The following RAPGEF1 variants were observed in gnomAD, a reference collection of about 807,000 sequenced individuals.
RAPGEF1 encodes CRK SH3-binding GNRP.
In RAPGEF1, 33 loss-of-function variants were observed where a neutral mutation model predicts 143.3. That is an observed-to-expected ratio of 0.23 (90% confidence interval 0.17 to 0.31). The LOEUF (loss-of-function observed/expected upper bound fraction) is 0.31, where lower values mean the gene tolerates loss of function less well. RAPGEF1 is among the 10% of genes least tolerant of loss of function. RAPGEF1 has a pLI of 1.00. For synonymous variants in RAPGEF1, 629 were observed against 676.5 expected (o/e 0.93, Z 1.09); for missense variants, 1,199 against 1,645.4 (o/e 0.73, Z 4.69).
chr9:131,599,198 C>T (rs927343065), intron 15 of RAPGEF1, among the ~76,000 whole-genome samples: 1 of 150,468 alleles, frequency 6.6e-6, no homozygotes, highest in African/African-American at 2.4e-5. Flanking sequence ...GATCTTGGCT[C>T]ACTGCAGCCC....
At position 131,586,443 on chromosome 9, in the gene RAPGEF1, A is replaced by AAC. The variant is rs370557537; in HGVS notation, c.3233+1291_3233+1292dup. 8.2e-3 allele frequency among the ~76,000 whole-genome samples: 125 copies of AAC among 15,212 alleles called. 13 individuals carry two copies. The highest frequency in any genetic ancestry group is 0.037 in the African/African-American group (121 of 3,264). 10.0% of individuals were successfully genotyped at this position (15,212 alleles called of 152,430 possible). A position where few individuals can be genotyped will look rare whatever the true frequency, so the allele number is the denominator to read the frequency against. On this transcript the variant is annotated intron_variant, in intron 22 of 26. Coordinates refer to ENST00000683357, the MANE Select transcript of RAPGEF1 (RefSeq NM_001377935.1). Reference sequence around the variant, plus strand: ...ACCTGCAGAGCGAGACTCCGTCTCAAACACACACACACACACACACCTGCA... The same window carrying AAC: ...ACCTGCAGAGCGAGACTCCGTCTCAAACACACACACACACACACACACCTGCA...
chr9:131,623,063 C>G (rs1961705445), intron 10 of RAPGEF1, among the ~76,000 whole-genome samples: 1 of 152,150 alleles, frequency 6.6e-6, no homozygotes, highest in Non-Finnish European at 1.5e-5. Flanking sequence ...CCACCAAGCC[C>G]AGCCCCACAC....
At chr9:131,662,442 G>A (rs115449954) in intron 1 of RAPGEF1, among the ~76,000 whole-genome samples, 1 of 152,102 alleles carries the variant, frequency 6.6e-6, no homozygotes, top group Non-Finnish European at 1.5e-5. Context: ...GTATAGTGGT[G>A]TGATCCCAGT....
intron 1 of RAPGEF1, among the ~76,000 whole-genome samples, chr9:131,707,287 CTTTAT>C (rs1835143888): frequency 7.1e-6 from 1 of 141,472 alleles, no homozygotes; most frequent in Non-Finnish European, 1.5e-5. Flanking sequence ...AGAACTGGTT[CTTTAT>C]TTTAATGTGT....
chr9:131,732,610 A>T (rs2131344049), intron 1 of RAPGEF1, among the ~76,000 whole-genome samples: 1 of 152,336 alleles, frequency 6.6e-6, no homozygotes. Flanking sequence ...AGAGGACTAC[A>T]GGAAAACACA....
chr9:131,718,433 T>A (rs1344443800), intron 1 of RAPGEF1, among the ~76,000 whole-genome samples: 1 of 151,990 alleles, frequency 6.6e-6, no homozygotes, highest in Admixed American at 6.6e-5. Context: ...TGAATGGCTG[T>A]GAGTTGGGAG....
chr9:131,613,154 A>G (rs369947816), intron 12 of RAPGEF1, among the ~76,000 whole-genome samples: 17 of 152,208 alleles, frequency 1.1e-4, no homozygotes, highest in African/African-American at 4.1e-4. Context: ...CATCCTTGTA[A>G]CAACCTTGTG....
chr9:131,631,036 A>G (rs1964696526), intron 5 of RAPGEF1, among the ~76,000 whole-genome samples: 1 of 152,116 alleles, frequency 6.6e-6, no homozygotes, highest in Non-Finnish European at 1.5e-5. Context: ...AAAAACACAA[A>G]GAACATTTCT....
At chr9:131,649,661 T>C (rs1970587006) in intron 3 of RAPGEF1, among the ~76,000 whole-genome samples, 1 of 152,178 alleles carries the variant, frequency 6.6e-6, no homozygotes, top group South Asian at 2.1e-4. Flanking sequence ...CCATAAATGT[T>C]AGGGACACAG....
Position 131,625,904 on chromosome 9 carries a change from A to G in RAPGEF1, c.1702+18T>C. ...GTTATAAAATGCACTTCCTGACAACAGTGCAACAAAGGCTTACTGTGTTTG... is the reference window on the plus strand; with the variant it reads ...GTTATAAAATGCACTTCCTGACAACGGTGCAACAAAGGCTTACTGTGTTTG... On this transcript the variant is annotated intron_variant, in intron 10 of 26. Coordinates refer to ENST00000683357, the MANE Select transcript of RAPGEF1 (RefSeq NM_001377935.1). 6.5e-7 allele frequency: 1 copy of G among 1,532,164 alleles called. No homozygotes were observed. The highest frequency in any genetic ancestry group is 8.8e-7 in the Non-Finnish European group (1 of 1,135,974). 94.9% of individuals were successfully genotyped at this position (1,532,164 alleles called of 1,614,324 possible).
chr9:131,652,672 A>C (rs1057054100), intron 1 of RAPGEF1, among the ~76,000 whole-genome samples: 1 of 152,198 alleles, frequency 6.6e-6, no homozygotes, highest in South Asian at 2.1e-4. Flanking sequence ...GAGTAATAAA[A>C]TGCAAGAAGC....
At chr9:131,603,134 T>C (rs867989803) in intron 14 of RAPGEF1, among the ~76,000 whole-genome samples, 1 of 152,096 alleles carries the variant, frequency 6.6e-6, no homozygotes, top group South Asian at 2.1e-4. Context: ...TGGCTCTGGG[T>C]GGGCCTCTGA....
Position 131,628,227 on chromosome 9 carries a change from G to C in RAPGEF1, c.1018-131C>G. On this transcript the variant is annotated intron_variant, in intron 8 of 26. Transcript: ENST00000683357. The surrounding 1 kb of genome is among the most constrained non-coding windows in gnomAD (Gnocchi z 5.7). ...GGCGAACTCAGAAACCACCTCTGAC[G>C]TCAGTAGTCGAAGGACACATACAGC... 1 of 887,428 alleles carries C rather than the reference G, an allele frequency of 1.1e-6. No homozygotes were observed. Among genetic ancestry groups the C allele is most frequent in the Non-Finnish European group, 1.7e-6 (1 of 600,118 alleles). 55.0% of individuals were successfully genotyped at this position (887,428 alleles called of 1,614,324 possible). A position where few individuals can be genotyped will look rare whatever the true frequency, so the allele number is the denominator to read the frequency against.
At chr9:131,723,919 C>T (rs1313161710) in intron 1 of RAPGEF1, among the ~76,000 whole-genome samples, 1 of 152,228 alleles carries the variant, frequency 6.6e-6, no homozygotes. Context: ...GTTCAGATTC[C>T]CCCACATTCT....
intron 1 of RAPGEF1, among the ~76,000 whole-genome samples, chr9:131,651,492 G>C (rs1365456328): frequency 1.3e-5 from 2 of 152,196 alleles, no homozygotes; most frequent in Non-Finnish European, 2.9e-5. Flanking sequence ...TAGGACATCT[G>C]TTCTCACCAC....
At chr9:131,661,648 A>G (rs1403707657) in intron 1 of RAPGEF1, among the ~76,000 whole-genome samples, 1 of 152,228 alleles carries the variant, frequency 6.6e-6, no homozygotes, top group Non-Finnish European at 1.5e-5. Flanking sequence ...CTTCGGAAAA[A>G]GAGCCCACAT....
intron 1 of RAPGEF1, chr9:131,709,824 G>T: frequency 3.4e-6 from 5 of 1,456,724 alleles, no homozygotes; most frequent in Non-Finnish European, 4.5e-6. Flanking sequence ...AGCCTCACAA[G>T]GGAAGCCTGA....
chr9:131,612,462 G>A (rs138898913), intron 12 of RAPGEF1, among the ~76,000 whole-genome samples: 8 of 152,318 alleles, frequency 5.3e-5, no homozygotes, highest in African/African-American at 1.4e-4. Flanking sequence ...CCCCCAATGC[G>A]AGGCACTCTC....
intron 12 of RAPGEF1, among the ~76,000 whole-genome samples, chr9:131,609,741 G>C (rs1210228946): frequency 6.6e-6 from 1 of 152,224 alleles, no homozygotes. Context: ...AAAGCTGCCT[G>C]AAGCTGGCCA....
Sources: allele counts gnomAD v4.1 joint callset (sites outside exome capture counted in the v4.1 genomes callset), GRCh38; gene constraint gnomAD v4.1.1; non-coding constraint Gnocchi (gnomAD v3.1); transcripts MANE v1.5; gene names NCBI Gene and HGNC (gene_info 2026-07-23, HGNC 2026-07-21).